KAZN: variants seen among roughly 807,000 people sequenced by gnomAD.
KAZN encodes kazrin, periplakin interacting protein.
In KAZN, 40 loss-of-function variants were observed where a neutral mutation model predicts 87.4. The observed-to-expected ratio is 0.46, with a 90% CI of 0.36 to 0.60. The LOEUF (loss-of-function observed/expected upper bound fraction) is 0.60. Ranked by LOEUF, KAZN falls within the 20% of genes least tolerant of loss-of-function variation. KAZN has a pLI of 0.00. For missense variants in KAZN, 898 were observed against 1,073.9 expected (o/e 0.84, Z 2.29); for synonymous variants, 466 against 458.3 (o/e 1.02, Z -0.22).
intron 1 of KAZN, among the ~76,000 whole-genome samples, chr1:14,109,818 T>TTTTTTTTTGAGATGGAGTCTCA (rs1427458889): frequency 6.6e-6 from 1 of 150,896 alleles, no homozygotes; most frequent in Non-Finnish European, 1.5e-5. Context: ...CAAAACGATT[T>TTTTTTTTTGAGATGGAGTCTCA]CAGCGTCAAG....
chr1:13,983,885 A>G (rs1473944126), intron 1 of KAZN, among the ~76,000 whole-genome samples: 1 of 151,872 alleles, frequency 6.6e-6, no homozygotes, highest in Non-Finnish European at 1.5e-5. Flanking sequence ...GTGTGGGTTG[A>G]AGGTGGGGGA....
chr1:15,053,966 ACTTGGTC>A (rs752946785), intron 4 of KAZN, among the ~76,000 whole-genome samples: 1 of 152,212 alleles, frequency 6.6e-6, no homozygotes, highest in Non-Finnish European at 1.5e-5. Context: ...CCTGAAGATC[ACTTGGTC>A]CAGGCTTTTC....
chr1:14,024,480 T>C (rs1640982696), intron 1 of KAZN, among the ~76,000 whole-genome samples: 1 of 152,382 alleles, frequency 6.6e-6, no homozygotes, highest in South Asian at 2.1e-4. Flanking sequence ...AAAAATAATT[T>C]GCTGGTATCA....
chr1:14,267,533 A>G (rs1490061257), intron 2 of KAZN, among the ~76,000 whole-genome samples: 1 of 152,138 alleles, frequency 6.6e-6, no homozygotes, highest in Admixed American at 6.6e-5. Context: ...CAAATACTAT[A>G]CCGTTTTTTA....
chr1:14,601,530 C>T (rs1193561079), intron 1 of KAZN, among the ~76,000 whole-genome samples: 1 of 152,022 alleles, frequency 6.6e-6, no homozygotes, highest in African/African-American at 2.4e-5. Flanking sequence ...AAACCCTCTG[C>T]AGAGGTGGTC....
intron 8 of KAZN, among the ~76,000 whole-genome samples, chr1:15,069,402 C>T (rs1385552545): frequency 1.3e-5 from 2 of 152,230 alleles, no homozygotes; most frequent in Non-Finnish European, 2.9e-5. Context: ...TGGCCAGCGT[C>T]CTAGCTATCG....
chr1:14,565,254 C>T (rs1674487203), intron 2 of KAZN, among the ~76,000 whole-genome samples: 1 of 152,206 alleles, frequency 6.6e-6, no homozygotes, highest in Admixed American at 6.5e-5. Context: ...ACAGCAATAA[C>T]ATGAATGTCA....
At chr1:14,264,635 TG>T (rs2100661468) in intron 2 of KAZN, among the ~76,000 whole-genome samples, 1 of 152,350 alleles carries the variant, frequency 6.6e-6, no homozygotes, top group South Asian at 2.1e-4. Flanking sequence ...TACAAGATGC[TG>T]GTACCTTGTT....
At chr1:14,170,353 C>G (rs1222714342) in intron 1 of KAZN, among the ~76,000 whole-genome samples, 1 of 151,832 alleles carries the variant, frequency 6.6e-6, no homozygotes, top group Non-Finnish European at 1.5e-5. Context: ...TAAGTTATGA[C>G]TCTTTCACTG....
chr1:14,580,823 A>G (rs549750901), intron 2 of KAZN, among the ~76,000 whole-genome samples: 52 of 152,256 alleles, frequency 3.4e-4, no homozygotes, highest in African/African-American at 1.1e-3. Flanking sequence ...GATGTCATCA[A>G]TGTCATCAAC....
chr1:14,785,688 A>G (rs1645491223), intron 1 of KAZN, among the ~76,000 whole-genome samples: 1 of 152,164 alleles, frequency 6.6e-6, no homozygotes, highest in Admixed American at 6.5e-5. Flanking sequence ...CATCTCTAAG[A>G]TGGAGATGAG....
At chr1:14,188,305 C>G (rs1646354486) in intron 2 of KAZN, among the ~76,000 whole-genome samples, 1 of 151,260 alleles carries the variant, frequency 6.6e-6, no homozygotes, top group East Asian at 1.9e-4. Context: ...TAAGCATTAC[C>G]CCATGAGGTG....
At chr1:14,035,996 T>C (rs1382270244) in intron 1 of KAZN, among the ~76,000 whole-genome samples, 1 of 152,130 alleles carries the variant, frequency 6.6e-6, no homozygotes, top group Non-Finnish European at 1.5e-5. Flanking sequence ...TCTTAGGAAA[T>C]GAGAGAGTCT....
rs374375539 is a variant in KAZN, at chr1:14,188,287, T to A, written c.249+7695T>A. 5.1e-4 allele frequency among the ~76,000 whole-genome samples: 78 copies of A among 151,772 alleles called. No homozygotes were observed. In the South Asian group the frequency reaches 0.011, roughly 21 times the overall value. On this transcript the variant is annotated intron_variant, in intron 2 of 16. Transcript: ENST00000636203. ...TATTGCATATATTTGTACTTTAGTT[T>A]TGTGTGTTAAGCATTACCCCATGAG... is the stretch of plus-strand genomic sequence containing the variant.
chr1:14,581,990 G>A (rs1026857832), intron 2 of KAZN, among the ~76,000 whole-genome samples: 31 of 151,064 alleles, frequency 2.1e-4, no homozygotes, highest in African/African-American at 6.1e-4. Context: ...TGTCTACCTC[G>A]TACCACCCAG....
intron 2 of KAZN, among the ~76,000 whole-genome samples, chr1:15,019,668 C>T (rs979207631): frequency 2.0e-5 from 3 of 152,184 alleles, no homozygotes; most frequent in South Asian, 2.1e-4. Context: ...GGATTACAAG[C>T]GTGAGCCACC....
chr1:14,212,608 C>T (rs1186134074), intron 2 of KAZN, among the ~76,000 whole-genome samples: 1 of 152,034 alleles, frequency 6.6e-6, no homozygotes, highest in Non-Finnish European at 1.5e-5. Flanking sequence ...ATCAATTTTG[C>T]AATATCCCAG....
chr1:13,994,101 C>T (rs1425233754), intron 1 of KAZN, among the ~76,000 whole-genome samples: 1 of 152,094 alleles, frequency 6.6e-6, no homozygotes, highest in African/African-American at 2.4e-5. Context: ...CTAAAGTAGC[C>T]AGGGAACTCC....
intron 2 of KAZN, among the ~76,000 whole-genome samples, chr1:14,994,735 C>A (rs1667704723): frequency 6.6e-6 from 1 of 152,214 alleles, no homozygotes; most frequent in Admixed American, 6.5e-5. Flanking sequence ...TGGTGTGTAG[C>A]ATTTACAGGT....
Sources: allele counts gnomAD v4.1 joint callset (sites outside exome capture counted in the v4.1 genomes callset), GRCh38; gene constraint gnomAD v4.1.1; transcripts MANE v1.5; gene names NCBI Gene and HGNC (gene_info 2026-07-23, HGNC 2026-07-21).